Variants in CRY1 observed in about 807,000 individuals in gnomAD.
CRY1 encodes cryptochrome circadian regulator 1.
CRY1 carries 45 observed loss-of-function variants against 76.0 expected under a neutral mutation model. That is an observed-to-expected ratio of 0.59 (90% CI 0.47 to 0.76). The LOEUF (loss-of-function observed/expected upper bound fraction) is 0.76, where lower values mean the gene tolerates loss of function less well. Among genes scored for constraint, CRY1 ranks in the 30% least tolerant of loss-of-function variants. The pLI, the probability that CRY1 is intolerant of heterozygous loss-of-function variation, is 0.00. For synonymous variants in CRY1, 248 were observed against 244.0 expected (o/e 1.02, Z -0.15); for missense variants, 587 against 716.4 (o/e 0.82, Z 2.06).
chr12:107,047,279 T>A (rs1359465474), intron 1 of CRY1, among the ~76,000 whole-genome samples: 2 of 152,148 alleles, frequency 1.3e-5, no homozygotes, highest in Non-Finnish European at 2.9e-5. Context: ...GACCAGTGGA[T>A]CAATGAAGAA....
At chr12:107,043,168 A>G (rs1375950908) in intron 1 of CRY1, 2 of 152,202 alleles carry the variant, frequency 1.3e-5, no homozygotes, top group Non-Finnish European at 2.9e-5. Flanking sequence ...CCCCAAGCCA[A>G]GCTTCCTTTC....
At chr12:107,074,051 T>A (rs7294758) in intron 1 of CRY1, among the ~76,000 whole-genome samples, 6,639 of 152,248 alleles carry the variant, frequency 0.044, 274 homozygotes, top group African/African-American at 0.11. Flanking sequence ...AATCAGTGAC[T>A]CCTCCTTTTC....
chr12:106,995,402 G>C (rs1952223058), intron 10 of CRY1, among the ~76,000 whole-genome samples: 1 of 152,080 alleles, frequency 6.6e-6, no homozygotes, highest in Non-Finnish European at 1.5e-5. Context: ...TATCAACTTA[G>C]AACATCTGAC....
At chr12:107,032,066 T>C (rs774255088) in intron 1 of CRY1, among the ~76,000 whole-genome samples, 2 of 152,114 alleles carry the variant, frequency 1.3e-5, no homozygotes, top group African/African-American at 2.4e-5. Flanking sequence ...TCCCAAGTAG[T>C]TGGGACTACA....
rs1308471350 is a variant in CRY1 at position 107,090,608 on chromosome 12, T to A, written c.158+2196A>T. Among the ~76,000 whole-genome samples the A allele has an allele frequency of 2.0e-5, 3 of 152,184 alleles. No homozygotes were observed. In the East Asian group the frequency reaches 5.8e-4, roughly 29 times the overall value. On this transcript the variant is annotated intron_variant, in intron 1 of 12. Transcript: ENST00000008527. ...CCACTAGAATGTAGCTCCAACAGGG[T>A]GAGAATTGGGGGCTGTTTTGTTTAT...
chr12:107,091,939 A>G (rs1378510610), intron 1 of CRY1, among the ~76,000 whole-genome samples: 2 of 152,048 alleles, frequency 1.3e-5, no homozygotes, highest in Admixed American at 1.3e-4. Flanking sequence ...TGTATTCTTT[A>G]TCCCTTTACT....
In CRY1 at chr12:106,999,990, A is replaced by T. The variant is rs762637840; in HGVS notation, c.777T>A (p.Cys259Ter). ...TGAAGTAAAACAGTCGACATGACAA[A>T]CAACCAAATCGGAGATAAGGACTAA... ...TGLSPYLRFG[C>*]LSCRLFYFKL... Residue 259 changes from cysteine to a stop codon, truncating the protein, a stop_gained, in exon 6 of 13, where the codon TGT (cysteine) becomes TGA (stop). Transcript: ENST00000008527. LOFTEE classifies it high-confidence loss of function. The T allele has an allele frequency of 6.2e-7, 1 of 1,613,126 alleles. No homozygotes were observed. Among genetic ancestry groups the T allele is most frequent in the Non-Finnish European group, 8.5e-7 (1 of 1,179,812 alleles).
chr12:107,071,424 C>A (rs1953189541), intron 1 of CRY1, among the ~76,000 whole-genome samples: 1 of 152,182 alleles, frequency 6.6e-6, no homozygotes, highest in Admixed American at 6.5e-5. Context: ...GCATTTTCAA[C>A]ATGAATGTAG....
intron 1 of CRY1, among the ~76,000 whole-genome samples, chr12:107,037,006 C>T (rs1448330111): frequency 2.0e-5 from 3 of 152,132 alleles, no homozygotes; most frequent in Non-Finnish European, 4.4e-5. Flanking sequence ...ATCTCACCCC[C>T]ACTCAGATGT....
intron 2 of CRY1, 28 bp from the exon 3 acceptor site, chr12:107,005,276 A>G (rs947202507): frequency 1.5e-5 from 23 of 1,566,834 alleles, no homozygotes; most frequent in Non-Finnish European, 1.9e-5. Flanking sequence ...GGAACAATGT[A>G]CACCAATTGT....
chr12:107,014,121 C>CAGGA (rs1952473162), intron 2 of CRY1, among the ~76,000 whole-genome samples: 1 of 148,876 alleles, frequency 6.7e-6, no homozygotes, highest in Non-Finnish European at 1.5e-5. Flanking sequence ...CGTGCTGCCA[C>CAGGA]AGGAACACAC....
intron 1 of CRY1, among the ~76,000 whole-genome samples, chr12:107,088,107 G>GT (rs1418454263): frequency 6.6e-5 from 10 of 152,118 alleles, no homozygotes; most frequent in African/African-American, 2.2e-4. Context: ...GAGTGATATA[G>GT]TTTAGATATT....
chr12:107,022,217 AATT>A, intron 1 of CRY1, 25 bp from the exon 2 acceptor site: 1 of 1,339,986 alleles, frequency 7.5e-7, no homozygotes, highest in Non-Finnish European at 1.0e-6. Flanking sequence ...GTATTATTTA[AATT>A]ATTAAAAAAT....
intron 1 of CRY1, among the ~76,000 whole-genome samples, chr12:107,037,557 AG>A (rs1473915868): frequency 6.6e-6 from 1 of 152,136 alleles, no homozygotes; most frequent in African/African-American, 2.4e-5. Context: ...AATGATGTTC[AG>A]GTTCTACTGG....
chr12:107,028,581 C>G (rs1460419700), intron 1 of CRY1, among the ~76,000 whole-genome samples: 2 of 151,998 alleles, frequency 1.3e-5, no homozygotes, highest in African/African-American at 4.8e-5. Flanking sequence ...ATATCATGCT[C>G]TAATTGAAAC....
intron 1 of CRY1, among the ~76,000 whole-genome samples, chr12:107,039,688 C>A (rs1414539747): frequency 2.6e-5 from 4 of 152,164 alleles, no homozygotes; most frequent in Admixed American, 2.6e-4. Context: ...TATGGAGAAA[C>A]TGGAACCCTA....
chr12:106,999,511 C>A (rs745823126), intron 7 of CRY1, 40 bp downstream of exon 7: 95 of 1,519,456 alleles, frequency 6.3e-5, no homozygotes, highest in Non-Finnish European at 8.3e-5. Context: ...GGTAAGGATT[C>A]CTTCAAAATA....
At chr12:107,050,197 T>G (rs913094757) in intron 1 of CRY1, 9 of 150,772 alleles carry the variant, frequency 6.0e-5, no homozygotes, top group African/African-American at 2.0e-4. Flanking sequence ...AGAAAAACAA[T>G]GAGGAGGGCT....
intron 1 of CRY1, among the ~76,000 whole-genome samples, chr12:107,060,748 G>A (rs1429246696): frequency 6.6e-6 from 1 of 152,048 alleles, no homozygotes; most frequent in African/African-American, 2.4e-5. Context: ...CCCAGCCGAG[G>A]TGGGCGGATC....
Sources: gnomAD v4.1 joint callset for allele counts (sites outside exome capture counted in the v4.1 genomes callset) on GRCh38, gnomAD v4.1.1 for gene constraint, MANE v1.5 for transcripts, NCBI Gene and HGNC (gene_info 2026-07-23, HGNC 2026-07-21) for gene names.